The following ZNF451 variants were observed in gnomAD, a reference collection of about 807,000 sequenced individuals.
ZNF451 encodes the protein zinc finger protein 451.
In ZNF451, 80 loss-of-function variants were observed where a neutral mutation model predicts 107.1. The ratio of observed to expected loss-of-function variants is 0.75; its 90% CI spans 0.62 to 0.90. ZNF451 has a LOEUF of 0.90. ZNF451 is among the 40% of genes least tolerant of loss of function. ZNF451 has a pLI of 0.00. For missense variants in ZNF451, 1,107 were observed against 1,236.2 expected (o/e 0.90, Z 1.57); for synonymous variants, 362 against 406.5 (o/e 0.89, Z 1.32).
At chr6:57,111,954 A>G (rs1830136395) in intron 3 of ZNF451, among the ~76,000 whole-genome samples, 1 of 152,228 alleles carries the variant, frequency 6.6e-6, no homozygotes, top group Non-Finnish European at 1.5e-5. Flanking sequence ...TTTGTAAACA[A>G]CTAATTGGGG....
chr6:57,122,907 G>A (rs1229360722), intron 3 of ZNF451, among the ~76,000 whole-genome samples: 1 of 152,144 alleles, frequency 6.6e-6, no homozygotes, highest in Non-Finnish European at 1.5e-5. Context: ...GGACATAGTG[G>A]CTCACACCTG....
chr6:57,109,531 T>A (rs1178395396), intron 3 of ZNF451: 1 of 985,342 alleles, frequency 1.0e-6, no homozygotes, highest in African/African-American at 1.7e-5. Context: ...ATTGTGCTGT[T>A]TCTATTCATA....
intron 7 of ZNF451, among the ~76,000 whole-genome samples, chr6:57,138,741 ATGTGTGTGTGTGTG>A (rs1185366526): frequency 4.3e-5 from 2 of 46,600 alleles, no homozygotes; most frequent in East Asian, 6.6e-4. Flanking sequence ...ATATATATAT[ATGTGTGTGTGTGTG>A]TGTGTGTGTG....
chr6:57,159,678 C>T (rs1452170575), intron 13 of ZNF451, among the ~76,000 whole-genome samples: 2 of 151,986 alleles, frequency 1.3e-5, no homozygotes, highest in East Asian at 3.9e-4. Flanking sequence ...TAATTTTGTT[C>T]TTTAATTTGT....
At position 57,148,572 on chromosome 6, in the gene ZNF451, C is replaced by A. The variant is rs147711007; in HGVS notation, c.2487C>A (p.Asn829Lys). The change falls in exon 10 of 15, where the codon AAC (asparagine) becomes AAA (lysine). Residue 829 changes from asparagine (N) to lysine (K), a missense_variant. By Grantham distance (94) the Asn-to-Lys change is moderately conservative. Around this residue, in one of 5 missense-constraint regions of ZNF451, gnomAD observed 608 missense variants for 649.2 expected, o/e 0.94. Transcript: ENST00000370706. ...SVAHFGSEKSNLYKFTASASH... is the reference protein window; with the variant it reads ...SVAHFGSEKSKLYKFTASASH... ...CTCATTTTGGATCTGAAAAATCAAA[C>A]CTGTACAAGTTTACTGCTAGTGCCT... 6.2e-6 allele frequency: 10 copies of A among 1,614,080 alleles called. No homozygotes were observed. The African/African-American group carries it at 1.3e-4, about 22-fold the overall frequency.
chr6:57,094,858 C>T (rs1424769815), intron 2 of ZNF451, among the ~76,000 whole-genome samples: 2 of 152,108 alleles, frequency 1.3e-5, no homozygotes, highest in Non-Finnish European at 2.9e-5. Context: ...GCCTGTACAG[C>T]CAGTTGTGTT....
At chr6:57,148,795 G>C in intron 10 of ZNF451, 102 bp downstream of exon 10, 2 of 1,093,072 alleles carry the variant, frequency 1.8e-6, no homozygotes, top group South Asian at 1.7e-5. Context: ...GTAACTTCTT[G>C]ATGGTATGTT....
chr6:57,118,530 G>A (rs898812915), intron 3 of ZNF451, among the ~76,000 whole-genome samples: 3 of 152,012 alleles, frequency 2.0e-5, no homozygotes, highest in African/African-American at 7.3e-5. Context: ...GTCTTGCTTT[G>A]TTGTCCCCCA....
At chr6:57,103,278 A>T (rs1829692517) in intron 3 of ZNF451, 2 of 985,458 alleles carry the variant, frequency 2.0e-6, no homozygotes, top group Non-Finnish European at 2.4e-6. Context: ...AGAACAAGCC[A>T]CACAGCTCTG....
intron 14 of ZNF451, among the ~76,000 whole-genome samples, chr6:57,163,945 A>G (rs1022027452): frequency 1.1e-4 from 16 of 152,206 alleles, no homozygotes; most frequent in Non-Finnish European, 2.9e-5. Context: ...AATTTTAAGC[A>G]ACCTCTTAAG....
intron 3 of ZNF451, chr6:57,106,641 A>G (rs1401744368): frequency 6.1e-6 from 6 of 978,012 alleles, no homozygotes; most frequent in South Asian, 4.7e-5. Context: ...TATGTGAGGC[A>G]TATTTTGCCA....
At chr6:57,125,513 A>T (rs146134745) in intron 4 of ZNF451, among the ~76,000 whole-genome samples, 139 of 152,294 alleles carry the variant, frequency 9.1e-4, no homozygotes, top group African/African-American at 3.2e-3. Flanking sequence ...AATTTAAATC[A>T]TGCCTCTGGC....
chr6:57,152,794 A>G (rs1832411181), intron 12 of ZNF451, among the ~76,000 whole-genome samples: 1 of 152,136 alleles, frequency 6.6e-6, no homozygotes, highest in Non-Finnish European at 1.5e-5. Context: ...GGGTTTCTCC[A>G]TGTTAGCCAG....
Position 57,157,282 on chromosome 6 carries a change from AATCG to A in ZNF451, c.3070+3239_3070+3242del, listed in dbSNP as rs1177539396. ...AGGATCTTTTGAATATTGTTATCAG[AATCG>A]ATCATATGGTATCATACTAGGAGAA... On this transcript the variant is annotated intron_variant, in intron 13 of 14. Transcript: ENST00000370706. Among the ~76,000 whole-genome samples, 5 of 152,242 alleles carry A rather than the reference AATCG, an allele frequency of 3.3e-5. No individual in the cohort carries two copies. The East Asian group carries it at 9.6e-4, about 29-fold the overall frequency.
At chr6:57,103,088 C>T in intron 3 of ZNF451, 4 of 985,422 alleles carry the variant, frequency 4.1e-6, no homozygotes, top group Non-Finnish European at 4.8e-6. Flanking sequence ...ATACGCACAT[C>T]AGTGCCCTGG....
At chr6:57,140,033 A>G (rs1831674161) in intron 7 of ZNF451, among the ~76,000 whole-genome samples, 1 of 151,832 alleles carries the variant, frequency 6.6e-6, no homozygotes, top group Non-Finnish European at 1.5e-5. Flanking sequence ...AAAAATAAAT[A>G]AAGAAGACTA....
chr6:57,113,940 A>C (rs1830244043), intron 3 of ZNF451, among the ~76,000 whole-genome samples: 1 of 152,142 alleles, frequency 6.6e-6, no homozygotes, highest in Non-Finnish European at 1.5e-5. Flanking sequence ...ATTTTTTATA[A>C]AACAGTTTAG....
At chr6:57,102,616 T>C in intron 3 of ZNF451, 1 of 986,302 alleles carries the variant, frequency 1.0e-6, no homozygotes, top group Non-Finnish European at 1.2e-6. Context: ...TATGTCAAGA[T>C]GGTCAACTCA....
chr6:57,124,960 C>A, intron 4 of ZNF451, 101 bp downstream of exon 4: 1 of 731,238 alleles, frequency 1.4e-6, no homozygotes, highest in Non-Finnish European at 1.9e-6. Flanking sequence ...TTAATCAAAG[C>A]TCAGTATGTA....
Sources: gnomAD v4.1 joint callset for allele counts (sites outside exome capture counted in the v4.1 genomes callset) on GRCh38, gnomAD v4.1.1 for gene constraint, gnomAD v4.1.1 regional missense constraint, MANE v1.5 for transcripts, NCBI Gene and HGNC (gene_info 2026-07-23, HGNC 2026-07-21) for gene names.